The following PPM1H variants were observed in gnomAD, a reference collection of about 807,000 sequenced individuals.
PPM1H encodes protein phosphatase, Mg2+/Mn2+ dependent 1H, also known as protein phosphatase 1H.
In PPM1H, 27 loss-of-function variants were observed where a neutral mutation model predicts 54.9. The ratio of observed to expected loss-of-function variants is 0.49; its 90% CI spans 0.36 to 0.68. The LOEUF (loss-of-function observed/expected upper bound fraction) is 0.68. Ranked by LOEUF, PPM1H falls within the 30% of genes least tolerant of loss-of-function variation. The pLI is 0.00. For synonymous variants in PPM1H, 305 were observed against 270.8 expected, an observed-to-expected ratio of 1.13 and a Z score of -1.24; for missense variants, 596 against 667.8, an observed-to-expected ratio of 0.89 and a Z score of 1.19.
chr12:62,876,383 T>C (rs1870169899), intron 1 of PPM1H, among the ~76,000 whole-genome samples: 1 of 152,126 alleles, frequency 6.6e-6, no homozygotes, highest in Non-Finnish European at 1.5e-5. Context: ...AAGATGAAGG[T>C]GGAGATCCAT....
intron 1 of PPM1H, among the ~76,000 whole-genome samples, chr12:62,858,594 C>T (rs988059363): frequency 2.0e-5 from 3 of 152,198 alleles, no homozygotes; most frequent in South Asian, 2.1e-4. Flanking sequence ...ACTGCCATTC[C>T]TATAGTGTCC....
intron 1 of PPM1H, among the ~76,000 whole-genome samples, chr12:62,911,924 T>C: frequency 6.6e-6 from 1 of 152,238 alleles, no homozygotes; most frequent in East Asian, 1.9e-4. Flanking sequence ...AGGTTGCTTA[T>C]CTCCTTTGCT....
chr12:62,821,188 T>A (rs950509803), intron 2 of PPM1H, among the ~76,000 whole-genome samples: 1 of 152,034 alleles, frequency 6.6e-6, no homozygotes, highest in South Asian at 2.1e-4. Context: ...GAAGATCAAA[T>A]TAATGAAACA....
chr12:62,682,696 G>A (rs1266930996), intron 8 of PPM1H, among the ~76,000 whole-genome samples: 8 of 152,082 alleles, frequency 5.3e-5, no homozygotes, highest in African/African-American at 1.4e-4. Context: ...TAGAGACAGG[G>A]TTTCATTATA....
At chr12:62,728,599 C>G (rs1029602920) in intron 5 of PPM1H, among the ~76,000 whole-genome samples, 1 of 152,208 alleles carries the variant, frequency 6.6e-6, no homozygotes, top group African/African-American at 2.4e-5. Context: ...TCCAGTAAGC[C>G]TCTCACTAGG....
At chr12:62,659,344 A>C in intron 9 of PPM1H, 2 of 449,330 alleles carry the variant, frequency 4.5e-6, no homozygotes, top group Middle Eastern at 6.6e-4. Context: ...CCGCCTTTTA[A>C]TTTTCTGGTT....
rs765542461 is a variant in PPM1H at position 62,689,696 on chromosome 12, T to C, written c.1245+3A>G. ...AAATATAAACAAAAACCTCATGCGG[T>C]ACCTCTGGAGCTGAAGACAGGAATG... is the stretch of plus-strand genomic sequence containing the variant. On this transcript the variant is annotated splice_donor_region_variant and intron_variant, in intron 8 of 9. Transcript: ENST00000228705. 1.2e-5 allele frequency: 20 copies of C among 1,609,642 alleles called. No individual in the cohort carries two copies. In the Admixed American group the frequency reaches 1.3e-4, roughly 11 times the overall value.
intron 2 of PPM1H, among the ~76,000 whole-genome samples, chr12:62,806,348 T>C (rs1332571740): frequency 6.6e-6 from 1 of 152,204 alleles, no homozygotes; most frequent in African/African-American, 2.4e-5. Context: ...TCAACCAATA[T>C]GTGATTTGAG....
intron 4 of PPM1H, among the ~76,000 whole-genome samples, chr12:62,778,752 G>C (rs142415280): frequency 6.6e-6 from 1 of 152,120 alleles, no homozygotes; most frequent in Middle Eastern, 3.4e-3. Flanking sequence ...GTCCAGTATA[G>C]TGAGACCCCA....
intron 6 of PPM1H, among the ~76,000 whole-genome samples, chr12:62,719,708 C>A (rs141277458): frequency 5.1e-4 from 78 of 152,198 alleles, no homozygotes; most frequent in African/African-American, 1.8e-3. Context: ...AAGGATATAT[C>A]TTTTTATCAC....
At chr12:62,775,011 A>G (rs1042570954) in intron 4 of PPM1H, among the ~76,000 whole-genome samples, 1 of 152,224 alleles carries the variant, frequency 6.6e-6, no homozygotes, top group Non-Finnish European at 1.5e-5. Flanking sequence ...CAGTGGCCCC[A>G]AGCTCAAGGA....
intron 2 of PPM1H, among the ~76,000 whole-genome samples, chr12:62,818,974 C>T (rs972309358): frequency 3.3e-5 from 5 of 151,784 alleles, no homozygotes; most frequent in Non-Finnish European, 7.4e-5. Flanking sequence ...GCATATGCCA[C>T]CAAGCCCAGC....
chr12:62,838,336 TGTG>T (rs377288546), intron 1 of PPM1H, among the ~76,000 whole-genome samples: 8,787 of 103,098 alleles, frequency 0.085, 535 homozygotes, highest in African/African-American at 0.19. Context: ...TGTGTGTGTG[TGTG>T]GGGGGGGGGA....
intron 1 of PPM1H, among the ~76,000 whole-genome samples, chr12:62,880,719 C>A (rs1037991442): frequency 6.6e-6 from 1 of 152,212 alleles, no homozygotes; most frequent in African/African-American, 2.4e-5. Flanking sequence ...TTGTCCCGTG[C>A]TCAGCTCCAC....
chr12:62,759,211 C>T (rs193132941), intron 4 of PPM1H, among the ~76,000 whole-genome samples: 27 of 152,306 alleles, frequency 1.8e-4, no homozygotes, highest in African/African-American at 5.3e-4. Context: ...CATTTGGTGC[C>T]GAAGACTCGG....
chr12:62,805,156 C>A (rs2076799289), intron 2 of PPM1H, among the ~76,000 whole-genome samples: 1 of 151,732 alleles, frequency 6.6e-6, no homozygotes, highest in Non-Finnish European at 1.5e-5. Flanking sequence ...AAATCAAAAC[C>A]ACAATGAGAT....
At chr12:62,700,982 G>C (rs2076140894) in intron 6 of PPM1H, among the ~76,000 whole-genome samples, 1 of 152,012 alleles carries the variant, frequency 6.6e-6, no homozygotes, top group Non-Finnish European at 1.5e-5. Flanking sequence ...TCCTTACTAT[G>C]GTTATTTTTT....
chr12:62,926,767 C>T (rs1361384086), intron 1 of PPM1H, among the ~76,000 whole-genome samples: 1 of 152,076 alleles, frequency 6.6e-6, no homozygotes, highest in Non-Finnish European at 1.5e-5. Context: ...CCAGCCTGAC[C>T]AACATGGAGA....
At chr12:62,896,749 G>A (rs1367333882) in intron 1 of PPM1H, among the ~76,000 whole-genome samples, 2 of 152,006 alleles carry the variant, frequency 1.3e-5, no homozygotes, top group African/African-American at 2.4e-5. Flanking sequence ...CCCATTACCG[G>A]GTATATACCC....
Sources: gnomAD v4.1 joint callset for allele counts (sites outside exome capture counted in the v4.1 genomes callset) on GRCh38, gnomAD v4.1.1 for gene constraint, MANE v1.5 for transcripts, NCBI Gene and HGNC (gene_info 2026-07-23, HGNC 2026-07-21) for gene names.